The following CTIF variants were observed in gnomAD, a reference collection of about 807,000 sequenced individuals.
CTIF encodes the protein CBP80/20-dependent translation initiation factor.
A neutral mutation model predicts 66.0 loss-of-function variants in CTIF; 21 were observed. The observed-to-expected ratio is 0.32, with a 90% CI of 0.23 to 0.46. CTIF has a LOEUF of 0.46. CTIF is among the 20% of genes least tolerant of loss of function. The probability of loss-of-function intolerance (pLI) is 1.00; values close to 1 mark genes in which losing one functional copy is unlikely to be tolerated. For missense variants in CTIF, 739 were observed against 812.7 expected (o/e 0.91, Z 1.10); for synonymous variants, 345 against 326.4 (o/e 1.06, Z -0.62).
rs190642650 is a variant in CTIF at position 48,806,937 on chromosome 18, G to A, written c.1372-10284G>A. 5.3e-4 allele frequency among the ~76,000 whole-genome samples: 81 copies of A among 152,318 alleles called. No individual in the cohort carries two copies. In the East Asian group the frequency reaches 6.7e-3, roughly 13 times the overall value. ...TAAAGTTTGGGGAAAGGCACTAGGG[G>A]TTGCTGGGAGGTAGCCTGCCAATCA... On this transcript the variant is annotated intron_variant, in intron 9 of 11. Transcript: ENST00000256413.
intron 9 of CTIF, among the ~76,000 whole-genome samples, chr18:48,782,411 C>T (rs1190820210): frequency 6.6e-6 from 1 of 152,158 alleles, no homozygotes; most frequent in Non-Finnish European, 1.5e-5. Context: ...CCAAGGAAGC[C>T]AGGTCCCCCT....
chr18:48,668,538 T>C (rs1259555466), intron 5 of CTIF, among the ~76,000 whole-genome samples: 7 of 152,104 alleles, frequency 4.6e-5, no homozygotes, highest in Non-Finnish European at 1.0e-4. Context: ...GGGGAAACTT[T>C]TTCTTTTCCT....
Position 48,862,972 on chromosome 18 carries a change from G to GAAGA in CTIF, c.*3422_*3425dup, listed in dbSNP as rs1052126528. The stretch of plus-strand genomic sequence containing the variant: ...GCTGGGCCTTTGAGGACACAGATCA[G>GAAGA]AAGAAAGAAAGACAACTTTCCTCTG... On this transcript the variant is annotated 3_prime_UTR_variant, in exon 12 of 12. Coordinates refer to ENST00000256413, the MANE Select transcript of CTIF (RefSeq NM_014772.3). 3.9e-5 allele frequency: 6 copies of GAAGA among 152,304 alleles called. No individual in the cohort carries two copies. Among genetic ancestry groups the GAAGA allele is most frequent in the African/African-American group, 7.2e-5 (3 of 41,476 alleles). 9.4% of individuals were successfully genotyped at this position (152,304 alleles called of 1,614,324 possible).
chr18:48,832,269 TCAAA>T (rs2068709500), intron 10 of CTIF, among the ~76,000 whole-genome samples: 1 of 147,504 alleles, frequency 6.8e-6, no homozygotes, highest in Admixed American at 6.8e-5. Flanking sequence ...CCTCCCAGGC[TCAAA>T]CAATCATCCC....
At chr18:48,830,088 A>G (rs1471089958) in intron 10 of CTIF, among the ~76,000 whole-genome samples, 2 of 152,204 alleles carry the variant, frequency 1.3e-5, no homozygotes, top group Non-Finnish European at 2.9e-5. Flanking sequence ...CTAGGGGAAG[A>G]AGGTGGGTTT....
rs1340237673 is a variant in CTIF, at chr18:48,862,309, G to A, written c.*2750G>A. ...TGCTTTCCCCTCGCCCGCGGTTCTTGGCGCATGGAAGAGGCGGTCCAGCCA... is the reference window on the plus strand; with the variant it reads ...TGCTTTCCCCTCGCCCGCGGTTCTTAGCGCATGGAAGAGGCGGTCCAGCCA... On this transcript the variant is annotated 3_prime_UTR_variant, in exon 12 of 12. Coordinates refer to ENST00000256413, the MANE Select transcript of CTIF (RefSeq NM_014772.3). 1 of 152,312 alleles carries A rather than the reference G, an allele frequency of 6.6e-6. No individual in the cohort carries two copies. Among genetic ancestry groups the A allele is most frequent in the African/African-American group, 2.4e-5 (1 of 41,464 alleles). The allele number at this position is 152,312 out of a possible 1,614,324, so 9.4% of individuals were successfully genotyped here.
chr18:48,781,252 G>A (rs559647288), intron 9 of CTIF, among the ~76,000 whole-genome samples: 4 of 152,232 alleles, frequency 2.6e-5, no homozygotes, highest in African/African-American at 4.8e-5. Context: ...AGACAAAGCC[G>A]TGCGCCGCAG....
rs8092191 is a variant in CTIF, at chr18:48,793,690, T to A, written c.1372-23531T>A. Among the ~76,000 whole-genome samples, 4 of 152,292 alleles carry A rather than the reference T, an allele frequency of 2.6e-5. No individual in the cohort carries two copies. In the South Asian group the frequency reaches 6.2e-4, roughly 24 times the overall value. ...TTAGCCCAGCTCAAGTTTATCTTCA[T>A]TTATTGACTTTTCCCTAAAATTGCT... On this transcript the variant is annotated intron_variant, in intron 9 of 11. Coordinates refer to ENST00000256413, the MANE Select transcript of CTIF (RefSeq NM_014772.3).
chr18:48,818,670 G>A (rs1254868559), intron 10 of CTIF, among the ~76,000 whole-genome samples: 5 of 151,750 alleles, frequency 3.3e-5, no homozygotes, highest in Admixed American at 6.6e-5. Context: ...AGAGGAAGGG[G>A]GCGTGTAAGA....
intron 6 of CTIF, among the ~76,000 whole-genome samples, chr18:48,707,102 T>C (rs751651060): frequency 6.6e-6 from 1 of 152,150 alleles, no homozygotes; most frequent in Non-Finnish European, 1.5e-5. Context: ...GGTTCTCTCA[T>C]GTGGGGAGTG....
At chr18:48,630,063 T>G (rs1480512813) in intron 2 of CTIF, among the ~76,000 whole-genome samples, 1 of 152,206 alleles carries the variant, frequency 6.6e-6, no homozygotes, top group Non-Finnish European at 1.5e-5. Context: ...TTATACATTT[T>G]AAATTGTATG....
chr18:48,684,013 C>T (rs564583327), intron 6 of CTIF, among the ~76,000 whole-genome samples: 124 of 152,344 alleles, frequency 8.1e-4, no homozygotes, highest in African/African-American at 2.8e-3. Flanking sequence ...GCTAAAGTGT[C>T]AGGTGGGATG....
chr18:48,621,173 C>T (rs1568080000), intron 2 of CTIF, among the ~76,000 whole-genome samples: 1 of 151,604 alleles, frequency 6.6e-6, no homozygotes, highest in East Asian at 1.9e-4. Flanking sequence ...GTATTCTACT[C>T]GTGGATGATC....
chr18:48,550,781 C>A (rs1477914899), intron 1 of CTIF, among the ~76,000 whole-genome samples: 1 of 152,150 alleles, frequency 6.6e-6, no homozygotes, highest in East Asian at 1.9e-4. Context: ...TCCTATAGGG[C>A]TAGGGTGGTG....
chr18:48,658,616 T>C (rs1598817413), intron 3 of CTIF, among the ~76,000 whole-genome samples: 1 of 152,126 alleles, frequency 6.6e-6, no homozygotes. Flanking sequence ...TATGTGTGTC[T>C]GGTATGTATA....
intron 10 of CTIF, among the ~76,000 whole-genome samples, chr18:48,827,814 C>T (rs1191879178): frequency 2.0e-5 from 3 of 152,170 alleles, no homozygotes; most frequent in African/African-American, 7.2e-5. Context: ...CCCGCTTTGT[C>T]CCCTCCAGAG....
chr18:48,838,881 G>C (rs532579488), intron 10 of CTIF, among the ~76,000 whole-genome samples: 1 of 152,290 alleles, frequency 6.6e-6, no homozygotes, highest in South Asian at 2.1e-4. Context: ...CTCAGGCCCA[G>C]GCACATCTCC....
chr18:48,611,403 C>A (rs542519842), intron 1 of CTIF, among the ~76,000 whole-genome samples: 140 of 152,348 alleles, frequency 9.2e-4, no homozygotes, highest in Middle Eastern at 3.4e-3. Context: ...CTGGGCCCTG[C>A]GTGGGCCATA....
At chr18:48,695,624 T>C (rs894672495) in intron 6 of CTIF, among the ~76,000 whole-genome samples, 3 of 152,216 alleles carry the variant, frequency 2.0e-5, no homozygotes, top group Non-Finnish European at 2.9e-5. Flanking sequence ...GAATAGATAA[T>C]CGTAGTACCT....
Sources: allele counts gnomAD v4.1 joint callset (sites outside exome capture counted in the v4.1 genomes callset), GRCh38; gene constraint gnomAD v4.1.1; transcripts MANE v1.5; gene names NCBI Gene and HGNC (gene_info 2026-07-23, HGNC 2026-07-21).